Variants in PNKD observed in about 807,000 individuals in gnomAD.
PNKD encodes the protein probable thioesterase PNKD.
A neutral mutation model predicts 45.3 loss-of-function variants in PNKD; 36 were observed. The observed-to-expected ratio is 0.80, with a 90% CI of 0.61 to 1.05. The LOEUF is 1.05. Ranked by LOEUF, PNKD falls within the 50% of genes least tolerant of loss-of-function variation. The probability of loss-of-function intolerance (pLI) is 0.00; values close to 1 mark genes in which losing one functional copy is unlikely to be tolerated. For synonymous variants in PNKD, 197 were observed against 210.1 expected (o/e 0.94, Z 0.54); for missense variants, 511 against 506.6 (o/e 1.01, Z -0.08).
intron 2 of PNKD, among the ~76,000 whole-genome samples, chr2:218,324,943 A>C (rs2106277084): frequency 7.0e-6 from 1 of 141,932 alleles, no homozygotes; most frequent in Admixed American, 6.7e-5. Context: ...CTCAAAAAAC[A>C]AAAAAAAGAA....
intron 2 of PNKD, chr2:218,280,335 C>T (rs575792633): frequency 5.8e-6 from 3 of 517,860 alleles, no homozygotes; most frequent in East Asian, 3.5e-5. Context: ...GGGAAACGTT[C>T]CTCACGTGCA....
intron 2 of PNKD, chr2:218,279,887 G>A (rs1348940353): frequency 4.3e-6 from 3 of 692,220 alleles, no homozygotes; most frequent in Non-Finnish European, 5.2e-6. Context: ...GCCCCTCTGA[G>A]AAGCAGACAA....
At chr2:218,339,267 T>TA (rs1694597761) in intron 2 of PNKD, among the ~76,000 whole-genome samples, 2 of 152,044 alleles carry the variant, frequency 1.3e-5, no homozygotes, top group African/African-American at 4.8e-5. Context: ...TCCAAGTCTC[T>TA]CTTTTTTTTT....
At chr2:218,312,958 T>A (rs75961973) in intron 2 of PNKD, among the ~76,000 whole-genome samples, 1 of 152,030 alleles carries the variant, frequency 6.6e-6, no homozygotes, top group African/African-American at 2.4e-5. Flanking sequence ...TTTTTTTTTT[T>A]AGGTAATTAC....
At chr2:218,312,925 G>T (rs914552608) in intron 2 of PNKD, among the ~76,000 whole-genome samples, 1 of 151,232 alleles carries the variant, frequency 6.6e-6, no homozygotes, top group Admixed American at 6.6e-5. Flanking sequence ...TATTCTCTTC[G>T]TATGTGTTCT....
chr2:218,341,501 C>A, intron 5 of PNKD, 33 bp from the exon 6 acceptor site: 1 of 1,453,416 alleles, frequency 6.9e-7, no homozygotes, highest in Non-Finnish European at 9.5e-7. Flanking sequence ...AGTTGCCCCT[C>A]GAAGCCCCCT....
intron 2 of PNKD, among the ~76,000 whole-genome samples, chr2:218,325,756 C>T (rs980528328): frequency 3.3e-5 from 5 of 152,098 alleles, no homozygotes; most frequent in Non-Finnish European, 7.4e-5. Context: ...GAACTTGAGA[C>T]GTGGGATTTT....
At chr2:218,324,589 T>A (rs112666482) in intron 2 of PNKD, among the ~76,000 whole-genome samples, 4,985 of 152,298 alleles carry the variant, frequency 0.033, 256 homozygotes, top group African/African-American at 0.11. Flanking sequence ...GTTTAGATAA[T>A]GTGCCAAGTA....
Position 218,295,847 on chromosome 2 carries a change from T to C in PNKD, c.236+24298T>C, listed in dbSNP as rs1041329227. Among the ~76,000 whole-genome samples, 4 of 148,158 alleles carry C rather than the reference T, an allele frequency of 2.7e-5. No individual in the cohort carries two copies. The East Asian group carries it at 8.3e-4, about 31-fold the overall frequency. On this transcript the variant is annotated intron_variant, in intron 2 of 9. Transcript: ENST00000273077. ...GAGCTTCAGATAAACAACAAACCTT[T>C]TTTTTTTTTTTTTTCAAGACAAGGT...
At position 218,340,952 on chromosome 2, in the gene PNKD, A is replaced by G. The variant is rs1694656742; in HGVS notation, c.524+166A>G. ...CCAGCAGGGAGGGAGGAGAGGGGAC[A>G]GTCTCCCACCACTCCATTGATCAAG... On this transcript the variant is annotated intron_variant, in intron 5 of 9. Transcript: ENST00000273077. This position sits in a 1 kb window ranked among gnomAD's most constrained non-coding sequence, Gnocchi z 4.2. 1 of 683,860 alleles carries G rather than the reference A, an allele frequency of 1.5e-6. No individual in the cohort carries two copies. Among genetic ancestry groups the G allele is most frequent in the Non-Finnish European group, 2.7e-6 (1 of 375,156 alleles). The allele number at this position is 683,860 out of a possible 1,614,324, so 42.4% of individuals were successfully genotyped here. A position where few individuals can be genotyped will look rare whatever the true frequency, so the allele number is the denominator to read the frequency against.
chr2:218,329,259 C>T (rs1197181645), intron 2 of PNKD, among the ~76,000 whole-genome samples: 2 of 152,212 alleles, frequency 1.3e-5, no homozygotes, highest in Non-Finnish European at 2.9e-5. Context: ...GACCCGGCTC[C>T]ACTAGAACCC....
chr2:218,277,898 G>A (rs745981797), intron 2 of PNKD: 14 of 1,613,726 alleles, frequency 8.7e-6, no homozygotes, highest in Non-Finnish European at 1.2e-5. Flanking sequence ...CTCCCTCACA[G>A]CATCTCCACA....
chr2:218,329,940 G>C (rs1035619202), intron 2 of PNKD, among the ~76,000 whole-genome samples: 1 of 152,190 alleles, frequency 6.6e-6, no homozygotes, highest in South Asian at 2.1e-4. Flanking sequence ...TGTTTCATTA[G>C]GAGTGCCCTG....
chr2:218,309,468 G>T (rs1428130844), intron 2 of PNKD, among the ~76,000 whole-genome samples: 4 of 151,044 alleles, frequency 2.6e-5, no homozygotes, highest in Admixed American at 2.0e-4. Context: ...AAAAAGAAAT[G>T]GGGTTTTGCT....
rs1455965413 is a variant in PNKD, at chr2:218,302,087, C to T, written c.236+30538C>T. Among the ~76,000 whole-genome samples the T allele has an allele frequency of 2.0e-5, 3 of 151,996 alleles. No homozygotes were observed. In the East Asian group the frequency reaches 5.8e-4, roughly 29 times the overall value. ...ACCCAAGGCAGGGAGCTGTGGCTCA[C>T]GCCTGTAATCCCAGCACTTTGGGAG... On this transcript the variant is annotated intron_variant, in intron 2 of 9. Transcript: ENST00000273077.
Position 218,340,239 on chromosome 2 carries a change from G to A in PNKD, c.465+98G>A. 2.6e-6 allele frequency: 2 copies of A among 776,206 alleles called. No homozygotes were observed. The highest frequency in any genetic ancestry group is 1.8e-5 in the Admixed American group (1 of 55,778). 48.1% of individuals were successfully genotyped at this position (776,206 alleles called of 1,614,324 possible). A position where few individuals can be genotyped will look rare whatever the true frequency, so the allele number is the denominator to read the frequency against. On this transcript the variant is annotated intron_variant, in intron 4 of 9. Coordinates refer to ENST00000273077, the MANE Select transcript of PNKD (RefSeq NM_015488.5). The surrounding 1 kb of genome is among the most constrained non-coding windows in gnomAD (Gnocchi z 4.2). Reference sequence around the variant, plus strand: ...GGCTGACCCTTGTCCGTCTGCCCGTGGGATGTGTCCCATATGCTCCATGTT... The same window carrying A: ...GGCTGACCCTTGTCCGTCTGCCCGTAGGATGTGTCCCATATGCTCCATGTT...
Position 218,341,923 on chromosome 2 carries a change from C to T in PNKD, c.618-58C>T, listed in dbSNP as rs74718922. On this transcript the variant is annotated intron_variant, in intron 6 of 9. Coordinates refer to ENST00000273077, the MANE Select transcript of PNKD (RefSeq NM_015488.5). Reference sequence around the variant, plus strand: ...CAGCCCCTTGGGCCTGGGATGGGGACAGGGATCAGCATGGCACAGATCCAA... The same window carrying T: ...CAGCCCCTTGGGCCTGGGATGGGGATAGGGATCAGCATGGCACAGATCCAA... The T allele has an allele frequency of 1.6e-3, 2,210 of 1,389,250 alleles. 26 individuals are homozygous for T. The African/African-American group carries it at 0.027, about 17-fold the overall frequency. The allele number at this position is 1,389,250 out of a possible 1,614,324, so 86.1% of individuals were successfully genotyped here. A position where few individuals can be genotyped will look rare whatever the true frequency, so the allele number is the denominator to read the frequency against.
At chr2:218,293,776 T>G (rs1485470306) in intron 2 of PNKD, among the ~76,000 whole-genome samples, 1 of 81,032 alleles carries the variant, frequency 1.2e-5, no homozygotes, top group African/African-American at 5.4e-5. Context: ...GTTTGTTTTG[T>G]TTGGTTTGTT....
rs772037606 is a variant in PNKD at position 218,340,934 on chromosome 2, G to A, written c.524+148G>A. Reference sequence around the variant, plus strand: ...CGTGAAGTCACCTGGACACCAGCAGGGAGGGAGGAGAGGGGACAGTCTCCC... The same window carrying A: ...CGTGAAGTCACCTGGACACCAGCAGAGAGGGAGGAGAGGGGACAGTCTCCC... On this transcript the variant is annotated intron_variant, in intron 5 of 9. Coordinates refer to ENST00000273077, the MANE Select transcript of PNKD (RefSeq NM_015488.5). The surrounding 1 kb of genome is among the most constrained non-coding windows in gnomAD (Gnocchi z 4.2). 2.8e-6 allele frequency: 2 copies of A among 719,944 alleles called. No individual in the cohort carries two copies. Among genetic ancestry groups the A allele is most frequent in the Non-Finnish European group, 5.1e-6 (2 of 394,828 alleles). The allele number at this position is 719,944 out of a possible 1,614,324, so 44.6% of individuals were successfully genotyped here.
Sources: allele counts gnomAD v4.1 joint callset (sites outside exome capture counted in the v4.1 genomes callset), GRCh38; gene constraint gnomAD v4.1.1; non-coding constraint Gnocchi (gnomAD v3.1); transcripts MANE v1.5; gene names NCBI Gene and HGNC (gene_info 2026-07-23, HGNC 2026-07-21).